The following NEBL variants were observed in gnomAD, a reference collection of about 807,000 sequenced individuals.
The protein encoded by NEBL is nebulette.
In NEBL, 122 loss-of-function variants were observed where a neutral mutation model predicts 140.2. The ratio of observed to expected loss-of-function variants is 0.87; its 90% CI spans 0.75 to 1.01. The LOEUF (loss-of-function observed/expected upper bound fraction) is 1.01, where lower values mean the gene tolerates loss of function less well. NEBL is among the 50% of genes least tolerant of loss of function. The pLI is 0.00. For synonymous variants in NEBL, 436 were observed against 398.9 expected, an observed-to-expected ratio of 1.09 and a Z score of -1.11; for missense variants, 1,365 against 1,231.3, an observed-to-expected ratio of 1.11 and a Z score of -1.62.
chr10:20,851,462 A>G (rs1842505753), intron 10 of NEBL, among the ~76,000 whole-genome samples: 2 of 152,106 alleles, frequency 1.3e-5, no homozygotes, highest in Non-Finnish European at 2.9e-5. Flanking sequence ...AAGTATAATA[A>G]CACACAACAC....
At chr10:21,068,371 C>T (rs542525979) in intron 2 of NEBL, among the ~76,000 whole-genome samples, 1 of 152,314 alleles carries the variant, frequency 6.6e-6, no homozygotes, top group East Asian at 1.9e-4. Flanking sequence ...TTGCATGGGG[C>T]TGTTTCAACC....
chr10:21,204,651 C>T (rs147362468), intron 3 of NEBL, among the ~76,000 whole-genome samples: 1 of 151,922 alleles, frequency 6.6e-6, no homozygotes, highest in African/African-American at 2.4e-5. Flanking sequence ...TTAAGGAAGC[C>T]CTAGCAGAGG....
intron 1 of NEBL, among the ~76,000 whole-genome samples, chr10:21,289,013 AATTTTTGT>A (rs1442523682): frequency 6.7e-6 from 1 of 149,214 alleles, no homozygotes; most frequent in African/African-American, 2.5e-5. Flanking sequence ...AAGCCTGGCT[AATTTTTGT>A]ATTTTTTAGT....
At chr10:21,107,399 G>T (rs556912737) in intron 2 of NEBL, among the ~76,000 whole-genome samples, 89 of 152,230 alleles carry the variant, frequency 5.8e-4, no homozygotes, top group African/African-American at 2.1e-3. Flanking sequence ...TTTTGTCGGA[G>T]GCCTTTTCTG....
intron 7 of NEBL, among the ~76,000 whole-genome samples, chr10:20,866,154 A>G (rs1844261649): frequency 6.6e-6 from 1 of 152,128 alleles, no homozygotes; most frequent in Non-Finnish European, 1.5e-5. Flanking sequence ...AATGCTTCCT[A>G]TAATTGCGCT....
intron 24 of NEBL, among the ~76,000 whole-genome samples, chr10:20,811,897 C>T (rs1838186935): frequency 1.3e-5 from 2 of 152,086 alleles, no homozygotes; most frequent in Non-Finnish European, 1.5e-5. Context: ...ATCATCCTTC[C>T]TAGCCCTGCC....
intron 3 of NEBL, among the ~76,000 whole-genome samples, chr10:20,998,256 G>T (rs1031716799): frequency 2.0e-5 from 3 of 152,112 alleles, no homozygotes; most frequent in Non-Finnish European, 4.4e-5. Flanking sequence ...GTAGCCGTGT[G>T]GCCTCAGGCA....
intron 4 of NEBL, among the ~76,000 whole-genome samples, chr10:20,926,140 G>T (rs892198989): frequency 6.6e-6 from 1 of 152,128 alleles, no homozygotes; most frequent in Non-Finnish European, 1.5e-5. Flanking sequence ...CAAAAAAATG[G>T]CTTGAGTCGC....
intron 7 of NEBL, among the ~76,000 whole-genome samples, chr10:20,866,633 T>A (rs2131209579): frequency 6.6e-6 from 1 of 152,270 alleles, no homozygotes; most frequent in African/African-American, 2.4e-5. Context: ...GCCTTCCCCT[T>A]GAGTAGAGTT....
intron 4 of NEBL, among the ~76,000 whole-genome samples, chr10:20,932,587 A>T (rs150672283): frequency 1.3e-5 from 2 of 152,328 alleles, no homozygotes; most frequent in Admixed American, 6.5e-5. Context: ...ACTTAAAGTA[A>T]AATTTTTTTA....
At chr10:21,100,147 T>C (rs910744099) in intron 2 of NEBL, among the ~76,000 whole-genome samples, 1 of 152,176 alleles carries the variant, frequency 6.6e-6, no homozygotes, top group Non-Finnish European at 1.5e-5. Context: ...CACATTCTAT[T>C]GACTCTTTAG....
At chr10:20,834,534 A>T (rs1840702909) in intron 14 of NEBL, among the ~76,000 whole-genome samples, 1 of 152,228 alleles carries the variant, frequency 6.6e-6, no homozygotes, top group Non-Finnish European at 1.5e-5. Flanking sequence ...TCAAAACAAC[A>T]GTAACTTCCC....
intron 3 of NEBL, among the ~76,000 whole-genome samples, chr10:21,228,900 G>A (rs968961337): frequency 6.6e-6 from 1 of 152,058 alleles, no homozygotes; most frequent in African/African-American, 2.4e-5. Flanking sequence ...GTTAGTAGTA[G>A]CCCATGGGTT....
intron 3 of NEBL, among the ~76,000 whole-genome samples, chr10:20,996,593 G>A (rs1428376896): frequency 1.3e-5 from 2 of 152,032 alleles, no homozygotes; most frequent in East Asian, 1.9e-4. Flanking sequence ...ATTAAGTGGC[G>A]GAGACAAATT....
upstream of NEBL, among the ~76,000 whole-genome samples, chr10:21,177,852 T>A (rs1317793082): frequency 6.6e-6 from 1 of 152,178 alleles, no homozygotes; most frequent in Non-Finnish European, 1.5e-5. Context: ...TTCTAAAAGG[T>A]GAGCCGTTAG....
chr10:21,031,948 TAAC>T (rs1332148285), intron 2 of NEBL, among the ~76,000 whole-genome samples: 3 of 152,142 alleles, frequency 2.0e-5, no homozygotes, highest in Non-Finnish European at 4.4e-5. Context: ...TTATATGAGA[TAAC>T]AAGAAAAACA....
chr10:20,912,237 G>T (rs897495870), intron 4 of NEBL, among the ~76,000 whole-genome samples: 9 of 152,156 alleles, frequency 5.9e-5, no homozygotes, highest in African/African-American at 2.2e-4. Flanking sequence ...TCAGAGGAAT[G>T]CTCACAGACG....
Position 21,172,422 on chromosome 10 carries a change from T to C in NEBL, c.125A>G (p.Asn42Ser), listed in dbSNP as rs727503340. 8 of 1,613,866 alleles carry C rather than the reference T, an allele frequency of 5.0e-6. No homozygotes were observed. In the African/African-American group the frequency reaches 9.4e-5, roughly 19 times the overall value. The stretch of plus-strand genomic sequence containing the variant: ...CTTCTTTTCATAGCCTTTGTAGTTG[T>C]TCATGTTGAGTGCCATCTTGCAGAC... The change falls in exon 2 of 7, where the codon AAC becomes AGC. Residue 42 changes from asparagine (N) to serine (S), a missense_variant. Coordinates refer to the NEBL transcript ENST00000417816.
At chr10:21,140,598 A>C (rs77568544) in intron 2 of NEBL, among the ~76,000 whole-genome samples, 1,819 of 152,266 alleles carry the variant, frequency 0.012, 104 homozygotes, top group Admixed American at 0.1. Context: ...CTTATTTCCT[A>C]CTCTACTTTC....
Sources: gnomAD v4.1 joint callset for allele counts (sites outside exome capture counted in the v4.1 genomes callset) on GRCh38, gnomAD v4.1.1 for gene constraint, MANE v1.5 for transcripts, NCBI Gene and HGNC (gene_info 2026-07-23, HGNC 2026-07-21) for gene names.